Variants in TMEM192 observed in about 807,000 individuals in gnomAD.
The protein encoded by TMEM192 is transmembrane protein 192.
In TMEM192, 20 loss-of-function variants were observed where a neutral mutation model predicts 26.7. The ratio of observed to expected loss-of-function variants is 0.75; its 90% CI spans 0.53 to 1.09. The LOEUF (loss-of-function observed/expected upper bound fraction) is 1.09, where lower values mean the gene tolerates loss of function less well. Ranked by LOEUF, TMEM192 falls within the 50% of genes least tolerant of loss-of-function variation. TMEM192 has a pLI of 0.00. For synonymous variants in TMEM192, 124 were observed against 121.0 expected (o/e 1.02, Z -0.16); for missense variants, 304 against 322.6 (o/e 0.94, Z 0.44).
At position 165,102,313 on chromosome 4, in the gene TMEM192, G is replaced by A. The variant is rs145330744; in HGVS notation, c.174+637C>T. On this transcript the variant is annotated intron_variant, in intron 2 of 5. Transcript: ENST00000306480. ...AACTGAAAAAGTAATACAAGCACAT[G>A]GTTAAAAAATCAAGTAGTATTCAAA... Among the ~76,000 whole-genome samples, 42 of 152,048 alleles carry A rather than the reference G, an allele frequency of 2.8e-4. No individual in the cohort carries two copies. The East Asian group carries it at 7.4e-3, about 27-fold the overall frequency.
At position 165,072,292 on chromosome 4, in the gene TMEM192, T is replaced by G. The variant is rs1044223936; in HGVS notation, c.*7366A>C. The G allele has an allele frequency of 9.2e-5, 14 of 151,884 alleles. No homozygotes were observed. The highest frequency in any genetic ancestry group is 3.4e-4 in the African/African-American group (14 of 41,334). 9.4% of individuals were successfully genotyped at this position (151,884 alleles called of 1,614,324 possible). A position where few individuals can be genotyped will look rare whatever the true frequency, so the allele number is the denominator to read the frequency against. On this transcript the variant is annotated 3_prime_UTR_variant, in exon 6 of 6. Transcript: ENST00000306480. ...TAATAGGGCCAGGCACAGTGACTCATGCCTGTAATTGCAGCACTTTGGGAG... is the reference window on the plus strand; with the variant it reads ...TAATAGGGCCAGGCACAGTGACTCAGGCCTGTAATTGCAGCACTTTGGGAG...
At chr4:165,079,856 T>C (rs1004205882) in intron 5 of TMEM192, 60 bp from the exon 6 acceptor site, 1 of 1,514,528 alleles carries the variant, frequency 6.6e-7, no homozygotes, top group Non-Finnish European at 8.9e-7. Flanking sequence ...TTAGTGTCTT[T>C]GCAAATGAGT....
chr4:165,106,597 G>C (rs1045891926), intron 1 of TMEM192, among the ~76,000 whole-genome samples: 1 of 152,238 alleles, frequency 6.6e-6, no homozygotes, highest in Admixed American at 6.5e-5. Context: ...TGAGTTTTCT[G>C]GCTCTCTCTT....
At chr4:165,104,016 G>A (rs1438484913) in intron 1 of TMEM192, among the ~76,000 whole-genome samples, 2 of 152,152 alleles carry the variant, frequency 1.3e-5, no homozygotes, top group Non-Finnish European at 1.5e-5. Flanking sequence ...CCAGCTACTC[G>A]GGAGGCTGAG....
At position 165,074,653 on chromosome 4, in the gene TMEM192, C is replaced by T. The variant is rs28673499; in HGVS notation, c.*5005G>A. ...AGAGACGGGGTTTCTCCATGTTGGT[C>T]AGGCTGGTCTCGAACTCCTGACCTC... On this transcript the variant is annotated 3_prime_UTR_variant, in exon 6 of 6. Coordinates refer to ENST00000306480, the MANE Select transcript of TMEM192 (RefSeq NM_001100389.2). 0.84 allele frequency: 126,574 copies of T among 151,556 alleles called. 54,078 individuals carry two copies. The highest frequency in any genetic ancestry group is 0.95 in the East Asian group (4,857 of 5,132). The allele number at this position is 151,556 out of a possible 1,614,324, so 9.4% of individuals were successfully genotyped here. A position where few individuals can be genotyped will look rare whatever the true frequency, so the allele number is the denominator to read the frequency against.
chr4:165,100,971 C>CTTTTT (rs71602569), intron 2 of TMEM192, 79 bp from the exon 3 acceptor site: 67 of 773,154 alleles, frequency 8.7e-5, no homozygotes, highest in African/African-American at 1.1e-4. Context: ...AGCATACATT[C>CTTTTT]TTTTTTTTTT....
chr4:165,102,934 C>A lies in TMEM192; in HGVS notation c.174+16G>T, dbSNP rs977170377. Reference sequence around the variant, plus strand: ...ACATCACCTCTGGATAGGTCCCCTTCTTGCAGCCAACTTACATGAATAAAC... The same window carrying A: ...ACATCACCTCTGGATAGGTCCCCTTATTGCAGCCAACTTACATGAATAAAC... On this transcript the variant is annotated intron_variant, in intron 2 of 5. Transcript: ENST00000306480. 6.2e-7 allele frequency: 1 copy of A among 1,605,938 alleles called. No homozygotes were observed. The highest frequency in any genetic ancestry group is 1.3e-5 in the African/African-American group (1 of 74,674).
rs1464831211 is a variant in TMEM192, at chr4:165,112,784, C to T, written c.-11G>A. Reference sequence around the variant, plus strand: ...GCCCCCCGCCGCCATTTCCCGACGCCGGAGGCCGAAGCCCTGGCCAGCCCG... The same window carrying T: ...GCCCCCCGCCGCCATTTCCCGACGCTGGAGGCCGAAGCCCTGGCCAGCCCG... On this transcript the variant is annotated 5_prime_UTR_variant, in exon 1 of 6. Transcript: ENST00000306480. 3.1e-6 allele frequency: 5 copies of T among 1,606,750 alleles called. No homozygotes were observed.
chr4:165,085,019 G>C (rs950651569), intron 5 of TMEM192, among the ~76,000 whole-genome samples: 2 of 149,514 alleles, frequency 1.3e-5, no homozygotes, highest in Admixed American at 1.3e-4. Flanking sequence ...TCACGCCTGT[G>C]ATCCCAGCAC....
chr4:165,109,363 T>G (rs1201577371), intron 1 of TMEM192, among the ~76,000 whole-genome samples: 1 of 152,110 alleles, frequency 6.6e-6, no homozygotes, highest in African/African-American at 2.4e-5. Context: ...ATTTATTTAT[T>G]TATTTATTTA....
At chr4:165,089,558 C>A (rs184591844) in intron 3 of TMEM192, among the ~76,000 whole-genome samples, 1 of 152,058 alleles carries the variant, frequency 6.6e-6, no homozygotes, top group East Asian at 1.9e-4. Context: ...CTCCTGACCT[C>A]GTGATCGGCC....
chr4:165,084,113 G>A (rs1197848650), intron 5 of TMEM192, among the ~76,000 whole-genome samples: 1 of 151,672 alleles, frequency 6.6e-6, no homozygotes, highest in Non-Finnish European at 1.5e-5. Flanking sequence ...GAGCCACCGC[G>A]CCCAGTCATG....
Position 165,075,608 on chromosome 4 carries a change from G to A in TMEM192, c.*4050C>T, listed in dbSNP as rs532506691. ...TTTTTTGAGATGGAGCCTGCTCTGT[G>A]GCCCAGGCTAGAGTACAGTGGCGTG... On this transcript the variant is annotated 3_prime_UTR_variant, in exon 6 of 6. Transcript: ENST00000306480. The A allele has an allele frequency of 2.8e-5, 4 of 144,470 alleles. No homozygotes were observed. The South Asian group carries it at 6.6e-4, about 24-fold the overall frequency. The allele number at this position is 144,470 out of a possible 1,614,324, so 8.9% of individuals were successfully genotyped here. A position where few individuals can be genotyped will look rare whatever the true frequency, so the allele number is the denominator to read the frequency against.
chr4:165,086,920 C>T (rs1013399942), intron 4 of TMEM192, among the ~76,000 whole-genome samples: 1 of 152,046 alleles, frequency 6.6e-6, no homozygotes, highest in African/African-American at 2.4e-5. Context: ...TTGAGACCAG[C>T]CTGGCGAACA....
At chr4:165,093,769 G>C (rs1450909280) in intron 3 of TMEM192, among the ~76,000 whole-genome samples, 1 of 152,004 alleles carries the variant, frequency 6.6e-6, no homozygotes, top group Non-Finnish European at 1.5e-5. Flanking sequence ...GTCTTACTCT[G>C]TTGCCCAGGC....
intron 2 of TMEM192, 28 bp downstream of exon 2, chr4:165,102,921 GA>G: frequency 6.3e-7 from 1 of 1,592,712 alleles, no homozygotes; most frequent in East Asian, 2.3e-5. Flanking sequence ...ATCACCTCTG[GA>G]TAGGTCCCCT....
At chr4:165,112,186 T>C (rs1296139617) in intron 1 of TMEM192, among the ~76,000 whole-genome samples, 1 of 152,232 alleles carries the variant, frequency 6.6e-6, no homozygotes, top group East Asian at 1.9e-4. Context: ...ATGACACTTT[T>C]TCTCTCGTGT....
At chr4:165,108,976 T>TC (rs960055817) in intron 1 of TMEM192, among the ~76,000 whole-genome samples, 1 of 152,234 alleles carries the variant, frequency 6.6e-6, no homozygotes, top group African/African-American at 2.4e-5. Flanking sequence ...AGCATTTGTT[T>TC]CCCATCTCTG....
At position 165,100,742 on chromosome 4, in the gene TMEM192, G is replaced by A. The variant is rs200087215; in HGVS notation, c.325C>T (p.Leu109Phe). 2.4e-5 allele frequency: 39 copies of A among 1,613,962 alleles called. No individual in the cohort carries two copies. Among genetic ancestry groups the A allele is most frequent in the Non-Finnish European group, 6.8e-6 (8 of 1,180,036 alleles). The change falls in exon 3 of 6, where the codon CTC (leucine) becomes TTC (phenylalanine). Residue 109 changes from leucine (L) to phenylalanine (F), a missense_variant. Leu to Phe is a conservative substitution (Grantham distance 22). Coordinates refer to ENST00000306480, the MANE Select transcript of TMEM192 (RefSeq NM_001100389.2). ...TGATACTGGATGTAGCATTCAAGGA[G>A]TAAATGGAGAATCCACAAAATAACT... ...GKVILWILHL[L>F]LECYIQYHHS... is the part of the protein sequence containing the mutation.
Sources: allele counts gnomAD v4.1 joint callset (sites outside exome capture counted in the v4.1 genomes callset), GRCh38; gene constraint gnomAD v4.1.1; transcripts MANE v1.5; gene names NCBI Gene and HGNC (gene_info 2026-07-23, HGNC 2026-07-21).